The following TRABD2B variants were observed in gnomAD, a reference collection of about 807,000 sequenced individuals.
The protein encoded by TRABD2B is metalloprotease TIKI2.
Under a neutral mutation model 40.1 loss-of-function variants are expected in TRABD2B, and 14 were observed. That is an observed-to-expected ratio of 0.35 (90% confidence interval 0.23 to 0.55). TRABD2B has a LOEUF of 0.55. TRABD2B is among the 20% of genes least tolerant of loss of function. TRABD2B has a pLI of 0.90. For missense variants in TRABD2B, 541 were observed against 648.6 expected (o/e 0.83, Z 1.80); for synonymous variants, 263 against 277.0 (o/e 0.95, Z 0.50).
intron 4 of TRABD2B, among the ~76,000 whole-genome samples, chr1:47,779,012 C>G (rs1386881820): frequency 1.3e-5 from 2 of 152,164 alleles, no homozygotes; most frequent in African/African-American, 4.8e-5. Context: ...AGGGCTATGG[C>G]TCATCTTGGT....
chr1:47,928,148 C>T (rs1470421566), intron 2 of TRABD2B, among the ~76,000 whole-genome samples: 2 of 152,078 alleles, frequency 1.3e-5, no homozygotes, highest in Admixed American at 6.5e-5. Context: ...AAGCTGAGAC[C>T]CAGTAGAAAT....
intron 2 of TRABD2B, among the ~76,000 whole-genome samples, chr1:47,874,562 G>A (rs1275282865): frequency 8.7e-5 from 11 of 126,696 alleles, no homozygotes; most frequent in Admixed American, 4.3e-4. Context: ...GTGAGCCACC[G>A]CGCCCGGCCT....
At chr1:47,840,606 G>A (rs1570097753) in intron 2 of TRABD2B, among the ~76,000 whole-genome samples, 1 of 152,136 alleles carries the variant, frequency 6.6e-6, no homozygotes, top group African/African-American at 2.4e-5. Context: ...GGTGGCTATC[G>A]AGGCTGCTTC....
chr1:47,940,482 C>T (rs139222369), intron 2 of TRABD2B, among the ~76,000 whole-genome samples: 16 of 152,360 alleles, frequency 1.1e-4, no homozygotes, highest in African/African-American at 2.6e-4. Context: ...CAAGTCCACA[C>T]GCTCTAGGAA....
At chr1:47,796,371 T>C (rs1455821574) in intron 3 of TRABD2B, among the ~76,000 whole-genome samples, 2 of 151,978 alleles carry the variant, frequency 1.3e-5, no homozygotes, top group East Asian at 3.9e-4. Flanking sequence ...AACTGAAGGG[T>C]GAGGTGGATG....
At chr1:47,944,598 G>A (rs1243078629) in intron 2 of TRABD2B, among the ~76,000 whole-genome samples, 1 of 152,174 alleles carries the variant, frequency 6.6e-6, no homozygotes, top group Non-Finnish European at 1.5e-5. Flanking sequence ...GCTGCAGACT[G>A]AAGCCCCTCT....
chr1:47,992,667 G>C (rs1646029370), intron 2 of TRABD2B, among the ~76,000 whole-genome samples: 2 of 152,334 alleles, frequency 1.3e-5, no homozygotes, highest in South Asian at 2.1e-4. Context: ...CCCGAGGCTG[G>C]CAAGGGAAAA....
At chr1:47,978,479 G>A (rs976381014) in intron 2 of TRABD2B, among the ~76,000 whole-genome samples, 2 of 152,204 alleles carry the variant, frequency 1.3e-5, no homozygotes, top group Non-Finnish European at 2.9e-5. Context: ...TGCCAAAACC[G>A]GAAACAAGGC....
At chr1:47,892,454 G>A (rs1286823078) in intron 2 of TRABD2B, among the ~76,000 whole-genome samples, 4 of 152,244 alleles carry the variant, frequency 2.6e-5, no homozygotes, top group Admixed American at 2.6e-4. Context: ...TATCACATCT[G>A]GATATATGAA....
rs539880411 is a variant in TRABD2B at position 47,937,833 on chromosome 1, G to A, written c.666+56201C>T. On this transcript the variant is annotated intron_variant, in intron 2 of 6. Coordinates refer to ENST00000606738, the MANE Select transcript of TRABD2B (RefSeq NM_001194986.2). ...ACCACCTGCAGCCAAGGACAGAGGG[G>A]AACATTCCAACCCCGATACCCAGGG... 7.9e-5 allele frequency among the ~76,000 whole-genome samples: 12 copies of A among 152,254 alleles called. No homozygotes were observed. In the East Asian group the frequency reaches 9.7e-4, roughly 12 times the overall value.
At chr1:47,801,200 G>A (rs1362337859) in intron 3 of TRABD2B, among the ~76,000 whole-genome samples, 1 of 152,148 alleles carries the variant, frequency 6.6e-6, no homozygotes, top group Non-Finnish European at 1.5e-5. Flanking sequence ...AGGCCTCCCT[G>A]GTCTTACAAG....
intron 2 of TRABD2B, among the ~76,000 whole-genome samples, chr1:47,902,914 T>C (rs1644621893): frequency 6.6e-6 from 1 of 152,232 alleles, no homozygotes; most frequent in South Asian, 2.1e-4. Context: ...GTAGCTATCA[T>C]ATTTGACAGC....
intron 2 of TRABD2B, among the ~76,000 whole-genome samples, chr1:47,947,623 G>T (rs1295868247): frequency 3.3e-5 from 5 of 152,102 alleles, no homozygotes; most frequent in Non-Finnish European, 5.9e-5. Context: ...CGTCAATTGA[G>T]TTAAAAATCT....
At chr1:47,943,952 C>A (rs1645223936) in intron 2 of TRABD2B, among the ~76,000 whole-genome samples, 1 of 152,240 alleles carries the variant, frequency 6.6e-6, no homozygotes, top group Non-Finnish European at 1.5e-5. Flanking sequence ...CTAATCAATG[C>A]TGACAATAGT....
At chr1:47,897,864 G>A (rs1644545874) in intron 2 of TRABD2B, among the ~76,000 whole-genome samples, 1 of 152,072 alleles carries the variant, frequency 6.6e-6, no homozygotes, top group Non-Finnish European at 1.5e-5. Flanking sequence ...GTTGATTATT[G>A]GTAAGGATTA....
intron 2 of TRABD2B, among the ~76,000 whole-genome samples, chr1:47,960,453 T>C (rs1645495578): frequency 6.6e-6 from 1 of 152,218 alleles, no homozygotes. Context: ...CATGATTGTA[T>C]ATTTAGAAAA....
intron 2 of TRABD2B, among the ~76,000 whole-genome samples, chr1:47,906,754 T>C (rs185232798): frequency 7.2e-5 from 11 of 152,340 alleles, no homozygotes; most frequent in African/African-American, 2.4e-4. Flanking sequence ...TTGGCTAGGA[T>C]GGCCTGTATT....
intron 4 of TRABD2B, among the ~76,000 whole-genome samples, chr1:47,781,656 C>T (rs1644525141): frequency 6.6e-6 from 1 of 152,250 alleles, no homozygotes; most frequent in Non-Finnish European, 1.5e-5. Context: ...TTCTCTCCTT[C>T]TCTAAGCCAC....
chr1:47,771,421 T>A (rs1407091727), intron 6 of TRABD2B, among the ~76,000 whole-genome samples: 1 of 152,068 alleles, frequency 6.6e-6, no homozygotes, highest in East Asian at 1.9e-4. Flanking sequence ...GGGAAGGTAG[T>A]CTCTTCCCTA....
Sources: gnomAD v4.1 joint callset for allele counts (sites outside exome capture counted in the v4.1 genomes callset) on GRCh38, gnomAD v4.1.1 for gene constraint, MANE v1.5 for transcripts, NCBI Gene and HGNC (gene_info 2026-07-23, HGNC 2026-07-21) for gene names.